MIPOL1: variants seen among roughly 807,000 people sequenced by gnomAD.
MIPOL1 encodes mirror-image polydactyly gene 1 protein.
A neutral mutation model predicts 60.9 loss-of-function variants in MIPOL1; 57 were observed. The observed-to-expected ratio is 0.94, with a 90% CI of 0.76 to 1.17. MIPOL1 has a LOEUF of 1.17. Among genes scored for constraint, MIPOL1 ranks in the 50% most tolerant of loss-of-function variants. The pLI, the probability that MIPOL1 is intolerant of heterozygous loss-of-function variation, is 0.00. For synonymous variants in MIPOL1, 179 were observed against 168.8 expected (o/e 1.06, Z -0.47); for missense variants, 551 against 511.6 (o/e 1.08, Z -0.74).
intron 7 of MIPOL1, among the ~76,000 whole-genome samples, chr14:37,295,924 G>A (rs2085621402): frequency 6.6e-6 from 1 of 152,026 alleles, no homozygotes; most frequent in African/African-American, 2.4e-5. Context: ...GGATATCCAG[G>A]AATTGAACTC....
chr14:37,413,231 T>G (rs978083268), intron 10 of MIPOL1, among the ~76,000 whole-genome samples: 3 of 152,126 alleles, frequency 2.0e-5, no homozygotes, highest in African/African-American at 7.2e-5. Context: ...TAAATATTAA[T>G]GTATTATTTT....
At chr14:37,292,425 T>C (rs1312343914) in intron 7 of MIPOL1, among the ~76,000 whole-genome samples, 1 of 151,594 alleles carries the variant, frequency 6.6e-6, no homozygotes, top group African/African-American at 2.4e-5. Context: ...TCAAAAACTT[T>C]TAGCAGAACA....
chr14:37,228,385 C>T (rs1032887343), intron 1 of MIPOL1, among the ~76,000 whole-genome samples: 1 of 148,104 alleles, frequency 6.8e-6, no homozygotes, highest in Non-Finnish European at 1.5e-5. Flanking sequence ...GAACTGACAG[C>T]CTTTTGCAGT....
At chr14:37,200,245 T>G (rs867495486) in intron 1 of MIPOL1, among the ~76,000 whole-genome samples, 16 of 152,380 alleles carry the variant, frequency 1.1e-4, no homozygotes, top group Middle Eastern at 3.4e-3. Context: ...GTACAGTCTC[T>G]GTTACACATT....
At chr14:37,304,025 A>G (rs1342213295) in intron 7 of MIPOL1, among the ~76,000 whole-genome samples, 4 of 151,810 alleles carry the variant, frequency 2.6e-5, no homozygotes, top group Non-Finnish European at 5.9e-5. Context: ...CTGAATCTAT[A>G]GGTTCTGAAC....
chr14:37,302,179 CT>C (rs2086329408), intron 7 of MIPOL1, among the ~76,000 whole-genome samples: 1 of 147,456 alleles, frequency 6.8e-6, no homozygotes, highest in African/African-American at 2.5e-5. Flanking sequence ...CTGCCAAATT[CT>C]TTTCCAGAGT....
chr14:37,411,342 C>T (rs1411240087), intron 10 of MIPOL1, among the ~76,000 whole-genome samples: 1 of 152,088 alleles, frequency 6.6e-6, no homozygotes, highest in African/African-American at 2.4e-5. Flanking sequence ...CCTCATTCTA[C>T]CATTATTTAC....
chr14:37,500,533 C>T (rs1470902126), intron 12 of MIPOL1, among the ~76,000 whole-genome samples: 1 of 152,248 alleles, frequency 6.6e-6, no homozygotes, highest in South Asian at 2.1e-4. Flanking sequence ...GACATTGCAA[C>T]CTGAGACTTG....
intron 10 of MIPOL1, among the ~76,000 whole-genome samples, chr14:37,419,665 A>T (rs910261082): frequency 1.3e-5 from 2 of 152,122 alleles, no homozygotes; most frequent in African/African-American, 4.8e-5. Flanking sequence ...AAATTCATAG[A>T]AGTGTTTTCT....
At chr14:37,462,398 G>C (rs891177314) in intron 11 of MIPOL1, among the ~76,000 whole-genome samples, 1 of 152,234 alleles carries the variant, frequency 6.6e-6, no homozygotes, top group Non-Finnish European at 1.5e-5. Flanking sequence ...CCTGTGATGG[G>C]AGGGGCTGCT....
chr14:37,358,971 A>G (rs2092039880), intron 9 of MIPOL1, among the ~76,000 whole-genome samples: 1 of 152,104 alleles, frequency 6.6e-6, no homozygotes, highest in South Asian at 2.1e-4. Context: ...TTTTAGGTCT[A>G]ATATTTAAGT....
At chr14:37,497,312 C>G (rs1221316797) in intron 11 of MIPOL1, among the ~76,000 whole-genome samples, 1 of 152,146 alleles carries the variant, frequency 6.6e-6, no homozygotes, top group Non-Finnish European at 1.5e-5. Context: ...ATCATTGATT[C>G]TTAATATGTA....
At chr14:37,474,051 T>A (rs2094728960) in intron 11 of MIPOL1, among the ~76,000 whole-genome samples, 1 of 152,202 alleles carries the variant, frequency 6.6e-6, no homozygotes, top group Non-Finnish European at 1.5e-5. Flanking sequence ...CTTCTTTCAC[T>A]AAGCAATATG....
intron 9 of MIPOL1, among the ~76,000 whole-genome samples, chr14:37,343,232 T>A (rs1388969477): frequency 6.6e-6 from 1 of 152,036 alleles, no homozygotes; most frequent in African/African-American, 2.4e-5. Flanking sequence ...TAAGTATTCA[T>A]CTAAATTAAA....
At chr14:37,380,639 G>T (rs1417178847) in intron 10 of MIPOL1, among the ~76,000 whole-genome samples, 1 of 152,112 alleles carries the variant, frequency 6.6e-6, no homozygotes, top group Non-Finnish European at 1.5e-5. Context: ...TAATACTTAT[G>T]ATACTTGCAT....
At chr14:37,226,654 A>C (rs557574854) in intron 1 of MIPOL1, among the ~76,000 whole-genome samples, 1 of 152,274 alleles carries the variant, frequency 6.6e-6, no homozygotes, top group East Asian at 1.9e-4. Context: ...AAACCATATC[A>C]CTGGGTGTGG....
chr14:37,240,525 G>A (rs1169712124), intron 1 of MIPOL1: 1 of 152,120 alleles, frequency 6.6e-6, no homozygotes, highest in African/African-American at 2.4e-5. Flanking sequence ...GCACCCACAA[G>A]GATCTTAAGA....
chr14:37,209,715 C>T (rs1021720175), intron 1 of MIPOL1, among the ~76,000 whole-genome samples: 1 of 151,932 alleles, frequency 6.6e-6, no homozygotes, highest in African/African-American at 2.4e-5. Context: ...CGTTTATTTG[C>T]TTATTTGAGA....
intron 12 of MIPOL1, among the ~76,000 whole-genome samples, chr14:37,501,344 T>G (rs573907313): frequency 6.6e-6 from 1 of 152,226 alleles, no homozygotes; most frequent in Non-Finnish European, 1.5e-5. Flanking sequence ...TGACAGGATC[T>G]GATTTGGCTC....
Sources: allele counts gnomAD v4.1 joint callset (sites outside exome capture counted in the v4.1 genomes callset), GRCh38; gene constraint gnomAD v4.1.1; transcripts MANE v1.5; gene names NCBI Gene and HGNC (gene_info 2026-07-23, HGNC 2026-07-21).